NOP58: variants seen among roughly 807,000 people sequenced by gnomAD.
The protein encoded by NOP58 is nucleolar protein 58.
In NOP58, 44 loss-of-function variants were observed where a neutral mutation model predicts 71.2. That is an observed-to-expected ratio of 0.62 (90% CI 0.49 to 0.79). The LOEUF (loss-of-function observed/expected upper bound fraction) is 0.79, where lower values mean the gene tolerates loss of function less well. Among genes scored for constraint, NOP58 ranks in the 30% least tolerant of loss-of-function variants. NOP58 has a pLI of 0.00. For missense variants in NOP58, 538 were observed against 620.2 expected (o/e 0.87, Z 1.41); for synonymous variants, 228 against 200.3 (o/e 1.14, Z -1.17).
At chr2:202,266,567 C>T (rs1227841850) in intron 1 of NOP58, among the ~76,000 whole-genome samples, 1 of 152,036 alleles carries the variant, frequency 6.6e-6, no homozygotes, top group Admixed American at 6.6e-5. Context: ...CCACCTGCCT[C>T]GGCCTCCCAA....
intron 12 of NOP58, among the ~76,000 whole-genome samples, chr2:202,298,176 TATA>T (rs1689026389): frequency 6.6e-6 from 1 of 152,232 alleles, no homozygotes; most frequent in South Asian, 2.1e-4. Context: ...TTTTCAAGAA[TATA>T]ATACATTGTT....
At chr2:202,302,825 A>G (rs1574391829) in intron 13 of NOP58, 96 bp from the exon 14 acceptor site, 12 of 1,480,210 alleles carry the variant, frequency 8.1e-6, no homozygotes, top group East Asian at 4.6e-5. Flanking sequence ...GTAGTTGATG[A>G]GAATGACAGA....
Position 202,291,153 on chromosome 2 carries a change from G to A in NOP58, c.663G>A (p.Lys221=), listed in dbSNP as rs1428343900. The A allele has an allele frequency of 1.9e-6, 3 of 1,612,198 alleles. No individual in the cohort carries two copies. Reference sequence around the variant, plus strand: ...ATAGGAAGAACTATGCCTCTGCCAAGCTTTCTGAGTTGCTGCCAGAAGAAG... The same window carrying A: ...ATAGGAAGAACTATGCCTCTGCCAAACTTTCTGAGTTGCTGCCAGAAGAAG... The part of the protein sequence containing the change: ...VGDRKNYASA[K]LSELLPEEVE... Residue 221 remains lysine, a synonymous_variant, in exon 8 of 15, where the codon AAG becomes AAA. Transcript: ENST00000264279.
At chr2:202,296,422 C>G (rs1481826425) in intron 10 of NOP58, among the ~76,000 whole-genome samples, 5 of 152,242 alleles carry the variant, frequency 3.3e-5, no homozygotes, top group African/African-American at 1.2e-4. Flanking sequence ...AGGCTGGTCT[C>G]AAACTCCTGA....
chr2:202,274,111 G>A (rs1688549498), intron 1 of NOP58, among the ~76,000 whole-genome samples: 1 of 152,188 alleles, frequency 6.6e-6, no homozygotes, highest in South Asian at 2.1e-4. Flanking sequence ...ACATCTAGAT[G>A]TGTCTCACAA....
At chr2:202,280,882 G>A (rs756325164) in intron 3 of NOP58, among the ~76,000 whole-genome samples, 6 of 149,736 alleles carry the variant, frequency 4.0e-5, no homozygotes, top group Non-Finnish European at 5.9e-5. Context: ...ATGCCACCAC[G>A]CTCACCTAAT....
chr2:202,291,626 T>G (rs976144281), intron 8 of NOP58, among the ~76,000 whole-genome samples: 4 of 151,878 alleles, frequency 2.6e-5, no homozygotes, highest in Admixed American at 6.6e-5. Context: ...ACCAATATGA[T>G]GAAACCCCCA....
chr2:202,296,712 C>CTTTT (rs1006900193), intron 10 of NOP58, among the ~76,000 whole-genome samples: 245 of 104,558 alleles, frequency 2.3e-3, no homozygotes, highest in Non-Finnish European at 3.4e-3. Context: ...AGAACCCACG[C>CTTTT]TTTTTTTTGT....
At chr2:202,288,476 C>T (rs1688829397) in intron 6 of NOP58, among the ~76,000 whole-genome samples, 1 of 147,966 alleles carries the variant, frequency 6.8e-6, no homozygotes, top group Non-Finnish European at 1.5e-5. Context: ...GAGCAAATCT[C>T]CATCTCACTA....
intron 9 of NOP58, among the ~76,000 whole-genome samples, chr2:202,295,205 A>G (rs533040583): frequency 6.6e-6 from 1 of 152,340 alleles, no homozygotes; most frequent in Admixed American, 6.5e-5. Context: ...TTACCACACA[A>G]AGTGAAAGCA....
At chr2:202,275,474 C>T (rs1325247893) in intron 2 of NOP58, 4 of 259,966 alleles carry the variant, frequency 1.5e-5, no homozygotes, top group Non-Finnish European at 2.9e-5. Flanking sequence ...TGATTGCTGT[C>T]AGTAGGAACA....
intron 9 of NOP58, among the ~76,000 whole-genome samples, chr2:202,293,598 T>G (rs1235567551): frequency 6.6e-6 from 1 of 152,172 alleles, no homozygotes; most frequent in Non-Finnish European, 1.5e-5. Flanking sequence ...TTTTTTTTGT[T>G]TGAGACAGAG....
At position 202,297,472 on chromosome 2, in the gene NOP58, G is replaced by A; in HGVS notation, c.1165G>A (p.Ala389Thr). Residue 389 changes from alanine to threonine, a missense_variant, in exon 11 of 15, where the codon GCC becomes ACC. Physicochemically the swap from Ala to Thr is moderately conservative, Grantham distance 58. Transcript: ENST00000264279. ...SSSAMGVENRAKLEARLRTLE... is the reference protein window; with the variant it reads ...SSSAMGVENRTKLEARLRTLE... ...TTCTGCAATGGGAGTTGAGAACAGA[G>A]CCAAATTAGAGGCCAGGTTGAGAAC... The A allele has an allele frequency of 6.2e-7, 1 of 1,614,012 alleles. No homozygotes were observed. Among genetic ancestry groups the A allele is most frequent in the South Asian group, 1.1e-5 (1 of 91,072 alleles).
At chr2:202,290,230 G>T in intron 6 of NOP58, 93 bp from the exon 7 acceptor site, 1 of 1,032,392 alleles carries the variant, frequency 9.7e-7, no homozygotes, top group Admixed American at 2.6e-5. Context: ...ATGAGCCACC[G>T]TGCCCAGCCT....
intron 1 of NOP58, 106 bp downstream of exon 1, chr2:202,266,092 A>G: frequency 1.5e-6 from 2 of 1,324,426 alleles, no homozygotes; most frequent in Non-Finnish European, 2.2e-6. Context: ...GGTGCCTGTT[A>G]TAGCCCGGGC....
At chr2:202,298,558 G>T (rs185307903) in intron 12 of NOP58, among the ~76,000 whole-genome samples, 3 of 152,118 alleles carry the variant, frequency 2.0e-5, no homozygotes, top group Non-Finnish European at 2.9e-5. Flanking sequence ...CTTGAAACCC[G>T]GGAGGCGGAG....
intron 6 of NOP58, among the ~76,000 whole-genome samples, chr2:202,289,259 C>A (rs905267682): frequency 2.6e-5 from 4 of 152,134 alleles, no homozygotes; most frequent in South Asian, 4.1e-4. Context: ...TGGAAACAAC[C>A]CAGATACCTT....
rs774860515 is a variant in NOP58 at position 202,303,448 on chromosome 2, T to TA, written c.*13dup. ...AGAACGAGGATTAACAGAAAGGAAT[T>TA]ACGATTATATCACCCGGACACACAT... On this transcript the variant is annotated 3_prime_UTR_variant, in exon 15 of 15. Coordinates refer to ENST00000264279, the MANE Select transcript of NOP58 (RefSeq NM_015934.5). The TA allele has an allele frequency of 1.9e-6, 3 of 1,606,886 alleles. No homozygotes were observed. The highest frequency in any genetic ancestry group is 2.2e-5 in the East Asian group (1 of 44,784).
At chr2:202,302,762 T>A (rs1198164581) in intron 13 of NOP58, among the ~76,000 whole-genome samples, 159 bp from the exon 14 acceptor site, 1 of 152,200 alleles carries the variant, frequency 6.6e-6, no homozygotes, top group African/African-American at 2.4e-5. Flanking sequence ...TTAAAGTTAG[T>A]GGTAGGCCTT....
Sources: gnomAD v4.1 joint callset for allele counts (sites outside exome capture counted in the v4.1 genomes callset) on GRCh38, gnomAD v4.1.1 for gene constraint, MANE v1.5 for transcripts, NCBI Gene and HGNC (gene_info 2026-07-23, HGNC 2026-07-21) for gene names.